Variants in CEP76 observed in about 807,000 individuals in gnomAD.
CEP76 encodes the protein centrosomal protein 76, also known as centrosomal protein of 76 kDa.
A neutral mutation model predicts 83.3 loss-of-function variants in CEP76; 55 were observed. The ratio of observed to expected loss-of-function variants is 0.66; its 90% CI spans 0.53 to 0.83. The LOEUF is 0.83. Among genes scored for constraint, CEP76 ranks in the 40% least tolerant of loss-of-function variants. CEP76 has a pLI of 0.00. For synonymous variants in CEP76, 270 were observed against 274.5 expected (o/e 0.98, Z 0.16); for missense variants, 694 against 799.5 (o/e 0.87, Z 1.59).
Position 12,697,388 on chromosome 18 carries a change from C to G in CEP76, c.541G>C (p.Asp181His). The G allele has an allele frequency of 3.7e-6, 6 of 1,610,030 alleles. No individual in the cohort carries two copies. Among genetic ancestry groups the G allele is most frequent in the Non-Finnish European group, 5.1e-6 (6 of 1,177,848 alleles). ...CTTATTGATAACATTGTTGTTGAAT[C>G]AGCCATTCTAGTTCCATCACCTAGC... Reference protein sequence around the residue: ...ESLGDGTRMADSTTMLSISDP... With the variant: ...ESLGDGTRMAHSTTMLSISDP... The change falls in exon 5 of 12, where the codon GAT (aspartate) becomes CAT (histidine). Residue 181 changes from aspartate (D) to histidine (H), a missense_variant. Transcript: ENST00000262127.
downstream of CEP76, among the ~76,000 whole-genome samples, chr18:12,669,417 T>G (rs2038884230): frequency 6.6e-6 from 1 of 151,818 alleles, no homozygotes; most frequent in Non-Finnish European, 1.5e-5. Context: ...TGGCCCCAAT[T>G]TTTTTTATTT....
intron 12 of CEP76, among the ~76,000 whole-genome samples, chr18:12,666,001 A>C (rs1181392223): frequency 6.6e-6 from 1 of 151,544 alleles, no homozygotes; most frequent in Non-Finnish European, 1.5e-5. Context: ...GGCCCAACAC[A>C]ATTATTTTAA....
chr18:12,676,415 C>A (rs1420512006), intron 10 of CEP76, among the ~76,000 whole-genome samples: 3 of 150,894 alleles, frequency 2.0e-5, no homozygotes, highest in African/African-American at 7.3e-5. Flanking sequence ...TCTGGGACTA[C>A]AGGCATGCAC....
chr18:12,686,402 G>C lies in CEP76; in HGVS notation c.982C>G (p.Arg328Gly), dbSNP rs1055451188. The change falls in exon 8 of 12, where the codon CGA (arginine) becomes GGA (glycine). Residue 328 changes from arginine to glycine, a missense_variant. Arg to Gly is a moderately radical substitution (Grantham distance 125). Transcript: ENST00000262127. ...GGAGTATCAAGAAGCCGTCCAGCTC[G>C]AAGTGGTTTAACATAGGAACAGACT... ...RPVCSYVKPL[R>G]AGRLLDTPRQ... 9 of 1,613,880 alleles carry C rather than the reference G, an allele frequency of 5.6e-6. No individual in the cohort carries two copies. The highest frequency in any genetic ancestry group is 7.6e-6 in the Non-Finnish European group (9 of 1,179,964).
intron 8 of CEP76, 108 bp downstream of exon 8, chr18:12,686,154 A>G: frequency 1.3e-6 from 1 of 794,802 alleles, no homozygotes; most frequent in Non-Finnish European, 1.9e-6. Flanking sequence ...GTGGGTACAG[A>G]GGGTTGACTA....
intron 6 of CEP76, 27 bp downstream of exon 6, chr18:12,695,227 A>C (rs750194575): frequency 1.0e-5 from 11 of 1,067,874 alleles, no homozygotes; most frequent in Middle Eastern, 2.3e-4. Flanking sequence ...CAAACACACA[A>C]AAAAAGAGAA....
chr18:12,695,122 G>C lies in CEP76; in HGVS notation c.804+132C>G, dbSNP rs1179291241. ...TTATTTTCTTCCTCATCCTTTTTGT[G>C]AACCTTTGAGTGCTAATCTAGAAAG... On this transcript the variant is annotated intron_variant, in intron 6 of 11. Transcript: ENST00000262127. The C allele has an allele frequency of 3.3e-5, 15 of 448,172 alleles. No homozygotes were observed. The Admixed American group carries it at 4.2e-4, about 13-fold the overall frequency. 27.8% of individuals were successfully genotyped at this position (448,172 alleles called of 1,614,324 possible).
intron 8 of CEP76, chr18:12,684,611 G>A (rs2039473564): frequency 6.6e-6 from 1 of 151,894 alleles, no homozygotes; most frequent in Non-Finnish European, 1.5e-5. Context: ...CTCCCAAGTA[G>A]CTGGGATTAC....
intron 6 of CEP76, among the ~76,000 whole-genome samples, chr18:12,694,701 TG>T (rs2039885148): frequency 6.6e-6 from 1 of 151,778 alleles, no homozygotes; most frequent in South Asian, 2.1e-4. Flanking sequence ...AGCTTTATCC[TG>T]TAATTCTTTT....
intron 1 of CEP76, 34 bp downstream of exon 1, chr18:12,702,452 C>G (rs547402660): frequency 1.2e-5 from 18 of 1,535,540 alleles, no homozygotes; most frequent in Middle Eastern, 3.7e-4. Context: ...TATGGGTCGG[C>G]CCGGCGGTCT....
rs773472463 is a variant in CEP76, at chr18:12,678,239, G to C, written c.1493C>G (p.Ser498Cys). 31 of 1,614,034 alleles carry C rather than the reference G, an allele frequency of 1.9e-5. 1 individual carries two copies. In the South Asian group the frequency reaches 3.1e-4, roughly 16 times the overall value. ...TGTTGTAGCTCCAGGAGCACACACA[G>C]ATTTAATTGCTTCCTCACTCATGGG... ...WKPMSEEAIKSVCAPGATTSL... is the reference protein window; with the variant it reads ...WKPMSEEAIKCVCAPGATTSL... Residue 498 changes from serine (S) to cysteine (C), a missense_variant, in exon 10 of 12, where the codon TCT (serine) becomes TGT (cysteine). Transcript: ENST00000262127.
chr18:12,667,039 A>T (rs991140160), intron 12 of CEP76, among the ~76,000 whole-genome samples: 1 of 152,196 alleles, frequency 6.6e-6, no homozygotes, highest in African/African-American at 2.4e-5. Context: ...ACAACCAAAC[A>T]AAAATAAGAT....
chr18:12,688,926 AAC>A (rs2039646563), intron 7 of CEP76, among the ~76,000 whole-genome samples: 1 of 152,110 alleles, frequency 6.6e-6, no homozygotes, highest in Non-Finnish European at 1.5e-5. Context: ...CATCCTGGCT[AAC>A]ACAGTGAAAC....
downstream of CEP76, among the ~76,000 whole-genome samples, chr18:12,671,794 C>A (rs1202917608): frequency 6.6e-6 from 1 of 151,882 alleles, no homozygotes; most frequent in Non-Finnish European, 1.5e-5. Context: ...GTGTGTGACA[C>A]CATGCCTAGC....
At chr18:12,696,231 C>A (rs1372626560) in intron 5 of CEP76, among the ~76,000 whole-genome samples, 1 of 152,036 alleles carries the variant, frequency 6.6e-6, no homozygotes, top group Non-Finnish European at 1.5e-5. Context: ...ACTGGCTGGG[C>A]GCGGTGACTC....
chr18:12,665,771 T>C lies in CEP76; in HGVS notation c.*1728-3602A>G, dbSNP rs1021110537. Among the ~76,000 whole-genome samples the C allele has an allele frequency of 3.3e-5, 5 of 152,146 alleles. No homozygotes were observed. The East Asian group carries it at 5.8e-4, about 18-fold the overall frequency. On this transcript the variant is annotated intron_variant and NMD_transcript_variant, in intron 12 of 12. Coordinates refer to the CEP76 transcript ENST00000590143. ...GGAGTGCATTGGCACAATCTCTGCTTACTGCAACCTCTGCCTCCCAGGCTC... is the reference window on the plus strand; with the variant it reads ...GGAGTGCATTGGCACAATCTCTGCTCACTGCAACCTCTGCCTCCCAGGCTC...
At position 12,702,661 on chromosome 18, in the gene CEP76, G is replaced by T. The variant is rs888009342; in HGVS notation, c.-113C>A. On this transcript the variant is annotated 5_prime_UTR_variant, in exon 1 of 12. Coordinates refer to ENST00000262127, the MANE Select transcript of CEP76 (RefSeq NM_024899.4). ...GACTGGAGCACAAAGCGCCGCAGCC[G>T]TTCGCCTAGCGCAGCTCCCGGGGGA... The T allele has an allele frequency of 5.6e-6, 7 of 1,253,860 alleles. No individual in the cohort carries two copies. The highest frequency in any genetic ancestry group is 3.1e-5 in the African/African-American group (2 of 65,056). The allele number at this position is 1,253,860 out of a possible 1,614,324, so 77.7% of individuals were successfully genotyped here.
At chr18:12,695,788 A>G (rs1457814007) in intron 5 of CEP76, among the ~76,000 whole-genome samples, 1 of 152,074 alleles carries the variant, frequency 6.6e-6, no homozygotes, top group East Asian at 1.9e-4. Flanking sequence ...AATTAAATGT[A>G]TAATATCAAC....
At chr18:12,683,337 G>A (rs2039419815) in intron 8 of CEP76, among the ~76,000 whole-genome samples, 1 of 145,048 alleles carries the variant, frequency 6.9e-6, no homozygotes, top group Non-Finnish European at 1.5e-5. Flanking sequence ...GGGCGACAGA[G>A]CGAGACCCCG....
Sources: allele counts gnomAD v4.1 joint callset (sites outside exome capture counted in the v4.1 genomes callset), GRCh38; gene constraint gnomAD v4.1.1; transcripts MANE v1.5; gene names NCBI Gene and HGNC (gene_info 2026-07-23, HGNC 2026-07-21).